KLHL29: variants seen among roughly 807,000 people sequenced by gnomAD.
KLHL29 encodes the protein kelch like family member 29, also known as kelch-like protein 29.
KLHL29 carries 21 observed loss-of-function variants against 80.4 expected under a neutral mutation model. That is an observed-to-expected ratio of 0.26 (90% confidence interval 0.19 to 0.38). The LOEUF (loss-of-function observed/expected upper bound fraction) is 0.38. KLHL29 is among the 10% of genes least tolerant of loss of function. The pLI, the probability that KLHL29 is intolerant of heterozygous loss-of-function variation, is 1.00. For missense variants in KLHL29, 867 were observed against 1,223.9 expected (o/e 0.71, Z 4.35); for synonymous variants, 511 against 526.8 (o/e 0.97, Z 0.41).
chr2:23,698,206 G>A (rs2149216990), intron 11 of KLHL29, among the ~76,000 whole-genome samples: 1 of 152,280 alleles, frequency 6.6e-6, no homozygotes, highest in South Asian at 2.1e-4. Flanking sequence ...GACCACCCCG[G>A]GAACCCCAAG....
chr2:23,603,808 A>G (rs567937433), intron 3 of KLHL29, among the ~76,000 whole-genome samples: 11 of 152,344 alleles, frequency 7.2e-5, no homozygotes, highest in African/African-American at 2.6e-4. Flanking sequence ...TTCACGGTCC[A>G]GCGGGAAAGG....
chr2:23,431,599 A>T (rs999236352), intron 1 of KLHL29, among the ~76,000 whole-genome samples: 3 of 152,176 alleles, frequency 2.0e-5, no homozygotes, highest in African/African-American at 7.2e-5. Context: ...TTCTTATTAA[A>T]AAAGCAGTGA....
intron 3 of KLHL29, among the ~76,000 whole-genome samples, chr2:23,569,022 G>A (rs1033365530): frequency 5.3e-5 from 8 of 152,200 alleles, no homozygotes; most frequent in African/African-American, 1.7e-4. Flanking sequence ...AGGGGATCTC[G>A]CAGGTACACT....
chr2:23,637,342 C>A (rs1669642217), intron 3 of KLHL29, among the ~76,000 whole-genome samples: 1 of 152,140 alleles, frequency 6.6e-6, no homozygotes, highest in South Asian at 2.1e-4. Flanking sequence ...CTGGAAAAAC[C>A]ATGCTATTGT....
At chr2:23,418,746 A>G (rs551037658) in intron 1 of KLHL29, among the ~76,000 whole-genome samples, 16 of 151,998 alleles carry the variant, frequency 1.1e-4, no homozygotes, top group Middle Eastern at 3.4e-3. Flanking sequence ...TCTGAGTCTC[A>G]GCTGTTTCAT....
At chr2:23,606,411 C>G (rs1052467555) in intron 3 of KLHL29, among the ~76,000 whole-genome samples, 1 of 152,144 alleles carries the variant, frequency 6.6e-6, no homozygotes, top group African/African-American at 2.4e-5. Context: ...CTTCCTGTGA[C>G]TCACTGTGTC....
chr2:23,564,676 C>T (rs759290539), intron 3 of KLHL29, among the ~76,000 whole-genome samples: 2 of 152,248 alleles, frequency 1.3e-5, no homozygotes, highest in Non-Finnish European at 2.9e-5. Context: ...TGTCTGACCC[C>T]GTGCCAAGAC....
chr2:23,557,221 C>T (rs1667320388), intron 2 of KLHL29, among the ~76,000 whole-genome samples: 1 of 152,202 alleles, frequency 6.6e-6, no homozygotes, highest in African/African-American at 2.4e-5. Flanking sequence ...GCTCTGGGCA[C>T]ACATGTATGC....
At chr2:23,632,887 C>G (rs892886948) in intron 3 of KLHL29, among the ~76,000 whole-genome samples, 3 of 152,236 alleles carry the variant, frequency 2.0e-5, no homozygotes, top group African/African-American at 7.2e-5. Flanking sequence ...GCAGTCTCAC[C>G]TAAGTGGGTT....
intron 2 of KLHL29, among the ~76,000 whole-genome samples, chr2:23,549,562 C>G (rs1667068843): frequency 6.6e-6 from 1 of 152,060 alleles, no homozygotes; most frequent in Non-Finnish European, 1.5e-5. Context: ...CTCCCAACTT[C>G]AAAACAAAGA....
rs1217537258 is a variant in KLHL29 at position 23,448,140 on chromosome 2, G to C, written c.-153-27420G>C. On this transcript the variant is annotated intron_variant, in intron 1 of 13. Coordinates refer to ENST00000486442, the MANE Select transcript of KLHL29 (RefSeq NM_052920.2). ...ACTAAGGACTTCCCCATTCCTGGAA[G>C]ATCCACAGGACGTGTGAGAAGACTA... Among the ~76,000 whole-genome samples, 4 of 152,054 alleles carry C rather than the reference G, an allele frequency of 2.6e-5. No individual in the cohort carries two copies. In the South Asian group the frequency reaches 8.3e-4, roughly 32 times the overall value.
At chr2:23,532,631 C>T in intron 2 of KLHL29, 1 of 456,696 alleles carries the variant, frequency 2.2e-6, no homozygotes, top group Non-Finnish European at 4.4e-6. Flanking sequence ...GTAAGATTAT[C>T]TTAACTTGGG....
intron 1 of KLHL29, among the ~76,000 whole-genome samples, chr2:23,404,401 G>T (rs1053261427): frequency 1.3e-5 from 2 of 152,156 alleles, no homozygotes; most frequent in Non-Finnish European, 2.9e-5. Flanking sequence ...AGTGAATTGA[G>T]GACTGTTTAA....
chr2:23,467,238 T>C (rs1664377433), intron 1 of KLHL29, among the ~76,000 whole-genome samples: 1 of 152,196 alleles, frequency 6.6e-6, no homozygotes, highest in African/African-American at 2.4e-5. Context: ...ATCCCGCGTG[T>C]TTCTTCAGAT....
chr2:23,555,776 CG>C (rs930738115), intron 2 of KLHL29, among the ~76,000 whole-genome samples: 1 of 152,150 alleles, frequency 6.6e-6, no homozygotes, highest in African/African-American at 2.4e-5. Flanking sequence ...CTGGCAGGGC[CG>C]GGGATGCTGT....
intron 2 of KLHL29, among the ~76,000 whole-genome samples, chr2:23,530,867 C>T (rs909450433): frequency 6.6e-6 from 1 of 152,148 alleles, no homozygotes; most frequent in East Asian, 1.9e-4. Flanking sequence ...ATCCCACCAG[C>T]TTTGTGTCTG....
chr2:23,396,325 A>G (rs1666451721), intron 1 of KLHL29, among the ~76,000 whole-genome samples: 1 of 152,190 alleles, frequency 6.6e-6, no homozygotes. Flanking sequence ...CCTCGTAGCC[A>G]CCCACATACA....
At chr2:23,459,327 G>T (rs552368473) in intron 1 of KLHL29, among the ~76,000 whole-genome samples, 2 of 152,308 alleles carry the variant, frequency 1.3e-5, no homozygotes, top group Non-Finnish European at 2.9e-5. Context: ...CAGATCCGGA[G>T]CTCAGAGGAG....
intron 3 of KLHL29, among the ~76,000 whole-genome samples, chr2:23,591,220 G>A (rs1668251589): frequency 1.3e-5 from 2 of 152,148 alleles, no homozygotes; most frequent in Admixed American, 6.5e-5. Context: ...CCTGAGGGAG[G>A]GGTGAGGAAC....
Sources: allele counts gnomAD v4.1 joint callset (sites outside exome capture counted in the v4.1 genomes callset), GRCh38; gene constraint gnomAD v4.1.1; transcripts MANE v1.5; gene names NCBI Gene and HGNC (gene_info 2026-07-23, HGNC 2026-07-21).